Variants in GPC5 observed in about 807,000 individuals in gnomAD.
GPC5 encodes the protein glypican 5.
In GPC5, 47 loss-of-function variants were observed where a neutral mutation model predicts 53.9. The ratio of observed to expected loss-of-function variants is 0.87; its 90% confidence interval spans 0.69 to 1.11. GPC5 has a LOEUF of 1.11. Among genes scored for constraint, GPC5 ranks in the 50% most tolerant of loss-of-function variants. The probability of loss-of-function intolerance (pLI) is 0.00; values close to 1 mark genes in which losing one functional copy is unlikely to be tolerated. For synonymous variants in GPC5, 286 were observed against 263.3 expected, an observed-to-expected ratio of 1.09 and a Z score of -0.84; for missense variants, 748 against 713.1, an observed-to-expected ratio of 1.05 and a Z score of -0.56.
intron 7 of GPC5, among the ~76,000 whole-genome samples, chr13:92,521,596 C>A (rs1881051144): frequency 1.3e-5 from 2 of 152,162 alleles, no homozygotes; most frequent in Non-Finnish European, 1.5e-5. Context: ...GAAACTGATT[C>A]CCTTCCTCAC....
At chr13:92,071,559 C>G (rs949851537) in intron 6 of GPC5, among the ~76,000 whole-genome samples, 3 of 151,992 alleles carry the variant, frequency 2.0e-5, no homozygotes, top group Admixed American at 6.6e-5. Flanking sequence ...TCTTATCCCT[C>G]TAACTTGAAA....
intron 7 of GPC5, among the ~76,000 whole-genome samples, chr13:92,546,555 G>T (rs1420910028): frequency 6.6e-6 from 1 of 152,130 alleles, no homozygotes; most frequent in African/African-American, 2.4e-5. Flanking sequence ...ATGCTCATGG[G>T]TAGGAAGAAT....
chr13:91,900,309 C>T (rs1260913197), intron 5 of GPC5, among the ~76,000 whole-genome samples: 1 of 151,928 alleles, frequency 6.6e-6, no homozygotes, highest in Non-Finnish European at 1.5e-5. Flanking sequence ...AACAGTTTTC[C>T]CCTAAATAGC....
intron 7 of GPC5, among the ~76,000 whole-genome samples, chr13:92,547,177 A>C (rs944411480): frequency 6.6e-6 from 1 of 152,198 alleles, no homozygotes; most frequent in African/African-American, 2.4e-5. Flanking sequence ...TGAAAGAGGA[A>C]TTAGATTAAA....
chr13:92,408,479 T>A lies in GPC5; in HGVS notation c.1561+263490T>A, dbSNP rs1032463213. On this transcript the variant is annotated intron_variant, in intron 7 of 7. Coordinates refer to ENST00000377067, the MANE Select transcript of GPC5 (RefSeq NM_004466.6). ...CCATGAGAAGTTTATTAGCATTATG[T>A]TTTATATATTTAAGTCATCTGTAAC... Among the ~76,000 whole-genome samples, 10 of 152,220 alleles carry A rather than the reference T, an allele frequency of 6.6e-5. No individual in the cohort carries two copies. The South Asian group carries it at 2.1e-3, about 32-fold the overall frequency.
intron 6 of GPC5, among the ~76,000 whole-genome samples, chr13:92,023,627 T>C (rs1184109605): frequency 6.6e-6 from 1 of 150,490 alleles, no homozygotes; most frequent in Admixed American, 6.7e-5. Flanking sequence ...TAATTGAAAC[T>C]TAGATCTTTT....
rs1188849877 is a variant in GPC5, at chr13:92,729,146, G to A, written c.1562-137136G>A. 2.0e-5 allele frequency among the ~76,000 whole-genome samples: 3 copies of A among 151,294 alleles called. No individual in the cohort carries two copies. The East Asian group carries it at 5.9e-4, about 30-fold the overall frequency. On this transcript the variant is annotated intron_variant, in intron 7 of 7. Transcript: ENST00000377067. ...CCCTTCTCCCCAAAGCATCCTTACA[G>A]GCTACTCATCCTTTGTTATCTACCA...
chr13:91,642,833 G>C (rs1487882931), intron 2 of GPC5, among the ~76,000 whole-genome samples: 1 of 151,986 alleles, frequency 6.6e-6, no homozygotes, highest in Admixed American at 6.6e-5. Context: ...CTAGTGCATG[G>C]GTCTTGGGGA....
intron 6 of GPC5, among the ~76,000 whole-genome samples, chr13:92,035,037 G>C (rs2040881586): frequency 6.6e-6 from 1 of 152,032 alleles, no homozygotes; most frequent in African/African-American, 2.4e-5. Context: ...TGAAATAGTT[G>C]GTAAATCTCA....
intron 2 of GPC5, among the ~76,000 whole-genome samples, chr13:91,646,244 T>C (rs16946360): frequency 0.074 from 11,274 of 152,192 alleles, 1,402 homozygotes; most frequent in African/African-American, 0.26. Flanking sequence ...CTGTTATCTT[T>C]AACAAATATT....
chr13:91,926,253 C>A (rs560693131), intron 6 of GPC5, among the ~76,000 whole-genome samples: 1 of 150,184 alleles, frequency 6.7e-6, no homozygotes, highest in Non-Finnish European at 1.5e-5. Flanking sequence ...CCCAGCTACT[C>A]GGGAGGCTGA....
intron 7 of GPC5, among the ~76,000 whole-genome samples, chr13:92,314,138 A>AT (rs931654084): frequency 6.6e-6 from 1 of 151,914 alleles, no homozygotes; most frequent in Non-Finnish European, 1.5e-5. Flanking sequence ...AATACTTTCT[A>AT]TTTTTTTCGC....
intron 5 of GPC5, among the ~76,000 whole-genome samples, chr13:91,891,055 C>A (rs573010158): frequency 5.4e-4 from 82 of 152,242 alleles, no homozygotes; most frequent in African/African-American, 1.9e-3. Flanking sequence ...GTATCAAGAA[C>A]AGAGCTGTTC....
chr13:91,399,122 G>T lies in GPC5; in HGVS notation c.76G>T (p.Gly26Cys). The change falls in exon 1 of 8, where the codon GGC (glycine) becomes TGC (cysteine). Residue 26 changes from glycine to cysteine, a missense_variant. Gly to Cys is a radical substitution (Grantham distance 159, BLOSUM62 -3). Transcript: ENST00000377067. Reference protein sequence around the residue: ...LALVGSARSEGVQTCEEVRKL... With the variant: ...LALVGSARSECVQTCEEVRKL... The stretch of plus-strand genomic sequence containing the variant: ...CCTGGTTGGGTCCGCCCGCAGCGAG[G>T]GCGTGCAGACCTGCGAAGAAGTTCG... The T allele has an allele frequency of 6.2e-7, 1 of 1,611,534 alleles. No individual in the cohort carries two copies. The highest frequency in any genetic ancestry group is 8.5e-7 in the Non-Finnish European group (1 of 1,179,034).
intron 7 of GPC5, among the ~76,000 whole-genome samples, chr13:92,355,869 C>T (rs1468102740): frequency 6.8e-6 from 1 of 146,030 alleles, no homozygotes; most frequent in African/African-American, 2.6e-5. Flanking sequence ...ATCTATCATT[C>T]ATTGACCCTA....
chr13:92,203,669 A>G (rs2042312037), intron 7 of GPC5, among the ~76,000 whole-genome samples: 1 of 147,708 alleles, frequency 6.8e-6, no homozygotes, highest in Admixed American at 6.8e-5. Context: ...AAAATAAATA[A>G]ATAAAACCAA....
At chr13:91,547,612 A>G (rs1351617783) in intron 2 of GPC5, among the ~76,000 whole-genome samples, 1 of 152,128 alleles carries the variant, frequency 6.6e-6, no homozygotes, top group East Asian at 1.9e-4. Context: ...CAGAGGATAG[A>G]ACAAGAGGAA....
chr13:91,540,367 G>A (rs892528224), intron 2 of GPC5, among the ~76,000 whole-genome samples: 6 of 152,160 alleles, frequency 3.9e-5, no homozygotes, highest in Non-Finnish European at 8.8e-5. Context: ...TCCTTTACAG[G>A]CCACATACTG....
intron 7 of GPC5, among the ~76,000 whole-genome samples, chr13:92,571,909 C>T (rs367606256): frequency 8.5e-5 from 13 of 152,098 alleles, no homozygotes; most frequent in African/African-American, 2.6e-4. Context: ...TTTGGTGGTG[C>T]CTGTGGTCCC....
Sources: allele counts gnomAD v4.1 joint callset (sites outside exome capture counted in the v4.1 genomes callset), GRCh38; gene constraint gnomAD v4.1.1; transcripts MANE v1.5; gene names NCBI Gene and HGNC (gene_info 2026-07-23, HGNC 2026-07-21).